The following CNBD1 variants were observed in gnomAD, a reference collection of about 807,000 sequenced individuals.
CNBD1 encodes cyclic nucleotide binding domain containing 1, also known as cyclic nucleotide-binding domain-containing protein 1.
Under a neutral mutation model 54.4 loss-of-function variants are expected in CNBD1, and 71 were observed. The ratio of observed to expected loss-of-function variants is 1.30; its 90% CI spans 1.08 to 1.59. The LOEUF is 1.59. Ranked by LOEUF, CNBD1 falls within the 40% of genes most tolerant of loss-of-function variation. CNBD1 has a pLI of 0.00. For synonymous variants in CNBD1, 182 were observed against 170.7 expected (o/e 1.07, Z -0.51); for missense variants, 659 against 518.0 (o/e 1.27, Z -2.64).
chr8:87,055,239 G>A (rs796672565), intron 4 of CNBD1, among the ~76,000 whole-genome samples: 6 of 152,242 alleles, frequency 3.9e-5, no homozygotes, highest in African/African-American at 1.4e-4. Flanking sequence ...GTCCTGGACG[G>A]GTTGCCATTT....
intron 8 of CNBD1, among the ~76,000 whole-genome samples, chr8:87,298,560 C>T (rs573002326): frequency 6.7e-6 from 1 of 149,858 alleles, no homozygotes; most frequent in South Asian, 2.1e-4. Flanking sequence ...TCTTGGCTCA[C>T]TGCAACCTAC....
At chr8:87,216,866 T>C (rs1250653427) in intron 5 of CNBD1, among the ~76,000 whole-genome samples, 1 of 152,214 alleles carries the variant, frequency 6.6e-6, no homozygotes, top group East Asian at 1.9e-4. Flanking sequence ...GTGGCATTAA[T>C]TGATACAGGT....
intron 2 of CNBD1, among the ~76,000 whole-genome samples, chr8:87,390,363 A>G (rs1386534894): frequency 6.6e-6 from 1 of 152,218 alleles, no homozygotes; most frequent in Non-Finnish European, 1.5e-5. Flanking sequence ...ACAAAGGGCT[A>G]ATATCCAGAA....
intron 4 of CNBD1, among the ~76,000 whole-genome samples, chr8:86,959,554 A>T (rs1450769178): frequency 6.6e-6 from 1 of 151,956 alleles, no homozygotes; most frequent in African/African-American, 2.4e-5. Context: ...ATTTCTTTTT[A>T]TTCTCTTTTC....
intron 2 of CNBD1, among the ~76,000 whole-genome samples, chr8:87,412,049 T>C (rs1001677412): frequency 1.2e-4 from 18 of 152,064 alleles, no homozygotes; most frequent in African/African-American, 4.3e-4. Context: ...ATACCCTTTT[T>C]TGATAATCAG....
At chr8:87,342,933 T>A (rs998599519) in intron 8 of CNBD1, among the ~76,000 whole-genome samples, 1 of 152,238 alleles carries the variant, frequency 6.6e-6, no homozygotes, top group East Asian at 1.9e-4. Flanking sequence ...CAGGCTGGAA[T>A]TTCCCAATCC....
rs72293236 is a variant in CNBD1 at position 87,266,438 on chromosome 8, C to CT, written c.772-18210dup. On this transcript the variant is annotated intron_variant, in intron 6 of 10. Coordinates refer to ENST00000518476, the MANE Select transcript of CNBD1 (RefSeq NM_173538.3). ...GGTCCAAGTAAAAAAAAAAAAAAAT[C>CT]TTTTTTTTTTTTTTTTTTTTTTTTT... Among the ~76,000 whole-genome samples, 462 of 50,122 alleles carry CT rather than the reference C, an allele frequency of 9.2e-3. 67 individuals are homozygous for CT. The highest frequency in any genetic ancestry group is 0.027 in the South Asian group (23 of 856). 32.9% of individuals were successfully genotyped at this position (50,122 alleles called of 152,430 possible).
At chr8:87,370,762 T>A (rs1810768768) in intron 10 of CNBD1, among the ~76,000 whole-genome samples, 1 of 149,296 alleles carries the variant, frequency 6.7e-6, no homozygotes, top group South Asian at 2.1e-4. Flanking sequence ...TTGTCTTTTG[T>A]TGCCATTGCT....
intron 2 of CNBD1, among the ~76,000 whole-genome samples, chr8:87,397,216 C>T (rs549450302): frequency 6.6e-6 from 1 of 151,876 alleles, no homozygotes; most frequent in South Asian, 2.1e-4. Context: ...AGTTTATTTA[C>T]ACTGGAATTA....
chr8:87,262,554 A>G (rs1319165709), intron 6 of CNBD1, among the ~76,000 whole-genome samples: 1 of 152,116 alleles, frequency 6.6e-6, no homozygotes, highest in Non-Finnish European at 1.5e-5. Context: ...GAAAAGGTAA[A>G]TTTGCTCTCT....
intron 4 of CNBD1, among the ~76,000 whole-genome samples, chr8:86,968,528 C>G (rs555152844): frequency 6.6e-6 from 1 of 152,226 alleles, no homozygotes; most frequent in Admixed American, 6.5e-5. Context: ...GAGGTTTATC[C>G]GCCAAAGTTA....
intron 4 of CNBD1, among the ~76,000 whole-genome samples, chr8:87,172,621 T>C (rs1813112731): frequency 6.6e-6 from 1 of 152,186 alleles, no homozygotes; most frequent in African/African-American, 2.4e-5. Flanking sequence ...TTTATCATTA[T>C]ATAATGATCT....
At chr8:87,009,239 T>A (rs1315619884) in intron 4 of CNBD1, among the ~76,000 whole-genome samples, 1 of 152,116 alleles carries the variant, frequency 6.6e-6, no homozygotes, top group Admixed American at 6.5e-5. Flanking sequence ...CTGCTCTTTT[T>A]CTGCCATTTA....
intron 4 of CNBD1, among the ~76,000 whole-genome samples, chr8:87,003,786 G>A (rs1809040222): frequency 6.6e-6 from 1 of 152,186 alleles, no homozygotes; most frequent in African/African-American, 2.4e-5. Context: ...CCTGCTGGCT[G>A]TGGTAACAGT....
chr8:87,388,742 C>G (rs1811246114), intron 2 of CNBD1, among the ~76,000 whole-genome samples: 1 of 152,212 alleles, frequency 6.6e-6, no homozygotes, highest in African/African-American at 2.4e-5. Context: ...TCCTCCCTAA[C>G]TCATTTTATG....
chr8:87,031,570 T>C lies in CNBD1; in HGVS notation c.431+91816T>C, dbSNP rs1003141700. Among the ~76,000 whole-genome samples, 3 of 152,232 alleles carry C rather than the reference T, an allele frequency of 2.0e-5. No homozygotes were observed. The East Asian group carries it at 5.8e-4, about 29-fold the overall frequency. ...TCATCCATTCCCATTGCTTTAAATTTAGCATCTGTATTCTGCAATTAAATC... is the reference window on the plus strand; with the variant it reads ...TCATCCATTCCCATTGCTTTAAATTCAGCATCTGTATTCTGCAATTAAATC... On this transcript the variant is annotated intron_variant, in intron 4 of 10. Coordinates refer to ENST00000518476, the MANE Select transcript of CNBD1 (RefSeq NM_173538.3).
At chr8:87,392,523 A>T (rs1811329080) in intron 2 of CNBD1, among the ~76,000 whole-genome samples, 1 of 152,036 alleles carries the variant, frequency 6.6e-6, no homozygotes, top group Admixed American at 6.6e-5. Flanking sequence ...GAACCTTGAA[A>T]ACTTTTTGCT....
At chr8:87,225,028 G>C (rs1409379954) in intron 5 of CNBD1, among the ~76,000 whole-genome samples, 4 of 151,896 alleles carry the variant, frequency 2.6e-5, no homozygotes, top group Admixed American at 6.6e-5. Flanking sequence ...GTTCACTCGT[G>C]ATTTGGCTCT....
chr8:87,382,528 A>G (rs892400876), intron 10 of CNBD1, 92 bp from the exon 11 acceptor site: 21 of 953,642 alleles, frequency 2.2e-5, no homozygotes, highest in African/African-American at 3.3e-5. Context: ...TGACTCAGCA[A>G]TGTAATTTTA....
Sources: allele counts gnomAD v4.1 joint callset (sites outside exome capture counted in the v4.1 genomes callset), GRCh38; gene constraint gnomAD v4.1.1; transcripts MANE v1.5; gene names NCBI Gene and HGNC (gene_info 2026-07-23, HGNC 2026-07-21).